MGAT4C: variants seen among roughly 807,000 people sequenced by gnomAD.
MGAT4C encodes alpha-1,3-mannosyl-glycoprotein 4-beta-N-acetylglucosaminyltransferase C.
In MGAT4C, 19 loss-of-function variants were observed where a neutral mutation model predicts 40.1. The ratio of observed to expected loss-of-function variants is 0.47; its 90% CI spans 0.33 to 0.70. The LOEUF (loss-of-function observed/expected upper bound fraction) is 0.70. Ranked by LOEUF, MGAT4C falls within the 30% of genes least tolerant of loss-of-function variation. The probability of loss-of-function intolerance (pLI) is 0.02; values close to 1 mark genes in which losing one functional copy is unlikely to be tolerated. For missense variants in MGAT4C, 491 were observed against 563.2 expected (o/e 0.87, Z 1.30); for synonymous variants, 181 against 187.1 (o/e 0.97, Z 0.27).
At position 86,388,006 on chromosome 12, in the gene MGAT4C, C is replaced by T. The variant is rs190821130; in HGVS notation, c.-120+47151G>A. On this transcript the variant is annotated intron_variant, in intron 3 of 7. Coordinates refer to the MGAT4C transcript ENST00000548651. ...ATATTAATGCTCAGACACTTATGCA[C>T]AAGACAGAATAGATGCTTGTAATTC... Among the ~76,000 whole-genome samples the T allele has an allele frequency of 1.2e-3, 176 of 152,218 alleles. 1 individual carries two copies. In the Middle Eastern group the frequency reaches 0.027, roughly 24 times the overall value.
intron 2 of MGAT4C, among the ~76,000 whole-genome samples, chr12:86,021,663 C>T (rs1889745215): frequency 6.6e-6 from 1 of 151,800 alleles, no homozygotes; most frequent in Non-Finnish European, 1.5e-5. Flanking sequence ...GTGTGTAGCA[C>T]ACCAACATGG....
intron 3 of MGAT4C, among the ~76,000 whole-genome samples, chr12:86,417,329 A>G (rs1350427006): frequency 6.6e-6 from 1 of 152,154 alleles, no homozygotes; most frequent in Non-Finnish European, 1.5e-5. Context: ...GTGTTGAAAG[A>G]GCTTAAATTT....
At chr12:86,390,196 T>C (rs1956138748) in intron 3 of MGAT4C, among the ~76,000 whole-genome samples, 2 of 152,204 alleles carry the variant, frequency 1.3e-5, no homozygotes, top group African/African-American at 4.8e-5. Context: ...CACAGCCCTG[T>C]GAGTTTTGTT....
chr12:86,637,014 G>A (rs1404477658), intron 2 of MGAT4C, among the ~76,000 whole-genome samples: 1 of 151,502 alleles, frequency 6.6e-6, no homozygotes, highest in Non-Finnish European at 1.5e-5. Context: ...CCTGTTTTTT[G>A]TCCCCTGTAG....
intron 4 of MGAT4C, among the ~76,000 whole-genome samples, chr12:86,289,499 T>A (rs1386422773): frequency 6.6e-6 from 1 of 152,216 alleles, no homozygotes; most frequent in Non-Finnish European, 1.5e-5. Flanking sequence ...CTTTGGGCCG[T>A]ATGACCATTT....
At position 85,971,425 on chromosome 12, in the gene MGAT4C, AT is replaced by A. The variant is rs1311433878; in HGVS notation, c.*7863del. 1 of 151,264 alleles carries A rather than the reference AT, an allele frequency of 6.6e-6. No individual in the cohort carries two copies. Among genetic ancestry groups the A allele is most frequent in the Non-Finnish European group, 1.5e-5 (1 of 67,366 alleles). The allele number at this position is 151,264 out of a possible 1,614,324, so 9.4% of individuals were successfully genotyped here. Reference sequence around the variant, plus strand: ...GATTGCTTTAACTTGAAGGACACTTATATTTTGTATCACTTTTGTAGCAAAC... The same window carrying A: ...GATTGCTTTAACTTGAAGGACACTTAATTTTGTATCACTTTTGTAGCAAAC... On this transcript the variant is annotated 3_prime_UTR_variant, in exon 5 of 5. Coordinates refer to ENST00000611864, the MANE Select transcript of MGAT4C (RefSeq NM_001351288.2).
chr12:86,482,938 G>A (rs1235670784), intron 2 of MGAT4C, among the ~76,000 whole-genome samples: 1 of 152,064 alleles, frequency 6.6e-6, no homozygotes, highest in Non-Finnish European at 1.5e-5. Context: ...TTTCTTTCTT[G>A]TATTTATTTA....
At chr12:86,534,214 T>A (rs917752186) in intron 2 of MGAT4C, among the ~76,000 whole-genome samples, 1 of 152,084 alleles carries the variant, frequency 6.6e-6, no homozygotes, top group Non-Finnish European at 1.5e-5. Context: ...TTCATCTGCA[T>A]AATCAAAACC....
At chr12:86,156,375 T>C (rs1884929659) in intron 1 of MGAT4C, among the ~76,000 whole-genome samples, 1 of 152,074 alleles carries the variant, frequency 6.6e-6, no homozygotes, top group African/African-American at 2.4e-5. Context: ...CAGGCTGGAG[T>C]GCAATGACAC....
At chr12:86,420,938 T>C (rs1290971827) in intron 3 of MGAT4C, among the ~76,000 whole-genome samples, 2 of 151,456 alleles carry the variant, frequency 1.3e-5, no homozygotes, top group African/African-American at 4.8e-5. Context: ...TATACATGTG[T>C]ATATATATAC....
chr12:86,182,623 CTATT>C (rs746010340), intron 1 of MGAT4C, among the ~76,000 whole-genome samples: 2 of 151,808 alleles, frequency 1.3e-5, no homozygotes, highest in Non-Finnish European at 2.9e-5. Flanking sequence ...TTCTCTCTTC[CTATT>C]TAGTTTTCTC....
chr12:86,328,978 CT>C (rs1954589597), intron 4 of MGAT4C, among the ~76,000 whole-genome samples: 1 of 151,818 alleles, frequency 6.6e-6, no homozygotes, highest in Admixed American at 6.6e-5. Flanking sequence ...TGGTGGGTGC[CT>C]GTAATCCCAG....
intron 1 of MGAT4C, among the ~76,000 whole-genome samples, chr12:86,211,400 C>G (rs1471397259): frequency 5.6e-5 from 1 of 17,840 alleles, no homozygotes; most frequent in Non-Finnish European, 1.1e-4. Context: ...GTCTCTACTA[C>G]AAATACAAAA....
At chr12:86,363,262 T>C (rs1955522665) in intron 3 of MGAT4C, among the ~76,000 whole-genome samples, 1 of 152,124 alleles carries the variant, frequency 6.6e-6, no homozygotes, top group Admixed American at 6.5e-5. Flanking sequence ...TCATCTATGT[T>C]AACATAACAG....
chr12:86,745,581 T>C (rs1306680416), intron 1 of MGAT4C, among the ~76,000 whole-genome samples: 1 of 151,598 alleles, frequency 6.6e-6, no homozygotes, highest in Admixed American at 6.6e-5. Flanking sequence ...GGGGAAAATA[T>C]ATGAATGCCA....
intron 2 of MGAT4C, among the ~76,000 whole-genome samples, chr12:86,681,702 A>G (rs887220858): frequency 3.3e-5 from 5 of 152,168 alleles, no homozygotes; most frequent in African/African-American, 1.2e-4. Flanking sequence ...TTGGAGTTAT[A>G]TTACAGTTTG....
chr12:86,489,197 G>A (rs1034559097), intron 2 of MGAT4C, among the ~76,000 whole-genome samples: 3 of 152,130 alleles, frequency 2.0e-5, no homozygotes, highest in African/African-American at 7.2e-5. Context: ...GCTGGTTGAG[G>A]CAACTTAACT....
In MGAT4C at chr12:86,177,224, T is replaced by C. The variant is rs571398626; in HGVS notation, c.-57+79015A>G. 4.6e-5 allele frequency among the ~76,000 whole-genome samples: 7 copies of C among 152,228 alleles called. No individual in the cohort carries two copies. In the East Asian group the frequency reaches 1.2e-3, roughly 25 times the overall value. ...AGGATGCAAGTGAAATGAAAAGCAATTGGGCAGTCTAATTGAGAAAGTAAT... is the reference window on the plus strand; with the variant it reads ...AGGATGCAAGTGAAATGAAAAGCAACTGGGCAGTCTAATTGAGAAAGTAAT... On this transcript the variant is annotated intron_variant, in intron 1 of 4. Coordinates refer to ENST00000611864, the MANE Select transcript of MGAT4C (RefSeq NM_001351288.2).
intron 2 of MGAT4C, among the ~76,000 whole-genome samples, chr12:86,553,923 T>C (rs1389401944): frequency 6.6e-6 from 1 of 152,184 alleles, no homozygotes; most frequent in Non-Finnish European, 1.5e-5. Context: ...CTCCTACCCA[T>C]TTATAAATGC....
Sources: allele counts gnomAD v4.1 joint callset (sites outside exome capture counted in the v4.1 genomes callset), GRCh38; gene constraint gnomAD v4.1.1; transcripts MANE v1.5; gene names NCBI Gene and HGNC (gene_info 2026-07-23, HGNC 2026-07-21).